Variants in PRR33 observed in about 807,000 individuals in gnomAD.
The protein encoded by PRR33 is proline rich 33.
PRR33 carries 1 observed loss-of-function variant against 0.5 expected under a neutral mutation model. The observed-to-expected ratio is 2.18, with a 90% confidence interval of 0.77 to 10.34. PRR33 has a LOEUF of 10.34. PRR33 is among the 30% of genes most tolerant of loss of function. PRR33 has a pLI of 0.13. For synonymous variants in PRR33, 226 were observed against 110.0 expected, an observed-to-expected ratio of 2.06 and a Z score of -6.60; for missense variants, 552 against 251.8, an observed-to-expected ratio of 2.19 and a Z score of -8.07.
chr11:1,889,824 AAGCC>A, the PRR33 span: 26 of 634,984 alleles, frequency 4.1e-5, no homozygotes, highest in Admixed American at 2.7e-4. Context: ...TGAGGCCTGG[AAGCC>A]GGGTGGCGGC....
chr11:1,888,938 G>A (rs1052481944), exon 1 of PRR33: 4 of 480,448 alleles, frequency 8.3e-6, no homozygotes, highest in Non-Finnish European at 1.5e-5. Flanking sequence ...GCTCCAGCTC[G>A]TCCTCTCTGC....
exon 1 of PRR33, chr11:1,889,421 G>A (rs1049597132): frequency 5.9e-6 from 4 of 672,924 alleles, no homozygotes; most frequent in Admixed American, 4.3e-5. Context: ...CCCGGGGTGC[G>A]GTGAGGGCGG....
chr11:1,889,776 A>C lies in PRR33; in HGVS notation c.809T>G (p.Ile270Arg), dbSNP rs1848913052. Residue 270 changes from isoleucine (I) to arginine (R), a missense_variant, in exon 1 of 1, where the codon ATA (isoleucine) becomes AGA (arginine). Transcript: ENST00000640310. ...CTCCAGCGAGCGGCAGGTCGGGGCTATGGGCACCACAACCCTGGCACTAGC... is the reference window on the plus strand; with the variant it reads ...CTCCAGCGAGCGGCAGGTCGGGGCTCTGGGCACCACAACCCTGGCACTAGC... 9 of 651,198 alleles carry C rather than the reference A, an allele frequency of 1.4e-5. 1 individual carries two copies. In the Middle Eastern group the frequency reaches 1.7e-3, roughly 124 times the overall value. 40.3% of individuals were successfully genotyped at this position (651,198 alleles called of 1,614,324 possible).
the PRR33 span, among the ~76,000 whole-genome samples, chr11:1,909,602 C>T: frequency 0.049 from 7,490 of 152,014 alleles, 467 homozygotes; most frequent in African/African-American, 0.14. Flanking sequence ...AACAAGACTC[C>T]GTCTCAAAAA....
chr11:1,890,565 G>C (rs1358615713), exon 1 of PRR33: 3 of 710,198 alleles, frequency 4.2e-6, no homozygotes, highest in Non-Finnish European at 7.8e-6. Context: ...GGGTGCCATC[G>C]ACGCAGCCGA....
the PRR33 span, among the ~76,000 whole-genome samples, chr11:1,900,584 C>T: frequency 6.6e-6 from 1 of 152,030 alleles, no homozygotes; most frequent in South Asian, 2.1e-4. Context: ...TTTTCAGAAA[C>T]GTCAGAAAAA....
exon 1 of PRR33, chr11:1,889,773 G>C: frequency 1.5e-6 from 1 of 649,618 alleles, no homozygotes; most frequent in Non-Finnish European, 2.8e-6. Context: ...GCAGGTCGGG[G>C]CTATGGGCAC....
chr11:1,893,852 A>G (rs1849085940), upstream of PRR33, among the ~76,000 whole-genome samples: 1 of 146,270 alleles, frequency 6.8e-6, no homozygotes, highest in South Asian at 2.2e-4. Context: ...AGGATGGATG[A>G]AAGGACGGAT....
chr11:1,902,014 T>G, the PRR33 span, among the ~76,000 whole-genome samples: 1 of 151,996 alleles, frequency 6.6e-6, no homozygotes, highest in Admixed American at 6.6e-5. Flanking sequence ...GGGTGGATCA[T>G]GAGGTCAGGA....
the PRR33 span, among the ~76,000 whole-genome samples, chr11:1,913,788 C>T: frequency 6.6e-6 from 1 of 152,242 alleles, no homozygotes; most frequent in Non-Finnish European, 1.5e-5. Context: ...TAAGCCAAGT[C>T]GTTTCGTTCC....
At chr11:1,911,251 G>A in the PRR33 span, among the ~76,000 whole-genome samples, 1,275 of 152,178 alleles carry the variant, frequency 8.4e-3, 17 homozygotes, top group Middle Eastern at 0.078. Flanking sequence ...AGACCAACCT[G>A]GCTAATGTGG....
At chr11:1,908,916 A>G in the PRR33 span, among the ~76,000 whole-genome samples, 10 of 152,362 alleles carry the variant, frequency 6.6e-5, no homozygotes, top group Admixed American at 5.9e-4. Context: ...GTGCTTATTT[A>G]TAGTTTTCTA....
chr11:1,914,809 T>A, the PRR33 span, among the ~76,000 whole-genome samples: 1 of 139,522 alleles, frequency 7.2e-6, no homozygotes, highest in African/African-American at 2.8e-5. Flanking sequence ...CCTGGGGAGA[T>A]GTTGCTCTGT....
At chr11:1,917,183 G>A in the PRR33 span, among the ~76,000 whole-genome samples, 1 of 152,216 alleles carries the variant, frequency 6.6e-6, no homozygotes. Flanking sequence ...GGGCCGAGCG[G>A]CCTCAGGCTG....
At chr11:1,903,027 G>A in the PRR33 span, 36 of 152,042 alleles carry the variant, frequency 2.4e-4, no homozygotes, top group African/African-American at 8.5e-4. Flanking sequence ...CATTTTAGCC[G>A]GCTTCTTTAC....
chr11:1,915,086 A>G, the PRR33 span, among the ~76,000 whole-genome samples: 1 of 127,330 alleles, frequency 7.9e-6, no homozygotes, highest in African/African-American at 3.1e-5. Flanking sequence ...CACACCTGGG[A>G]TGTTTCTCTG....
chr11:1,907,144 C>T, the PRR33 span, among the ~76,000 whole-genome samples: 1 of 152,204 alleles, frequency 6.6e-6, no homozygotes, highest in African/African-American at 2.4e-5. Context: ...TTGGTTGTTT[C>T]ATTGTCCTGT....
At chr11:1,897,252 C>A in the PRR33 span, among the ~76,000 whole-genome samples, 2 of 152,210 alleles carry the variant, frequency 1.3e-5, no homozygotes, top group South Asian at 4.1e-4. The surrounding 1 kb of genome is among the most constrained non-coding windows in gnomAD (Gnocchi z 4.0). Flanking sequence ...GGCAGCTTTA[C>A]GCCAAGCTTA....
At chr11:1,917,568 G>A in the PRR33 span, among the ~76,000 whole-genome samples, 1 of 152,168 alleles carries the variant, frequency 6.6e-6, no homozygotes, top group Admixed American at 6.5e-5. Context: ...CAGTCCCCCA[G>A]GAGGCCCCTG....
Sources: allele counts gnomAD v4.1 joint callset (sites outside exome capture counted in the v4.1 genomes callset), GRCh38; gene constraint gnomAD v4.1.1; non-coding constraint Gnocchi (gnomAD v3.1); transcripts MANE v1.5; gene names NCBI Gene and HGNC (gene_info 2026-07-23, HGNC 2026-07-21).